The following OSBPL11 variants were observed in gnomAD, a reference collection of about 807,000 sequenced individuals.
The protein encoded by OSBPL11 is oxysterol-binding protein-related protein 11.
In OSBPL11, 33 loss-of-function variants were observed where a neutral mutation model predicts 84.4. That is an observed-to-expected ratio of 0.39 (90% CI 0.30 to 0.52). The LOEUF (loss-of-function observed/expected upper bound fraction) is 0.52. Ranked by LOEUF, OSBPL11 falls within the 20% of genes least tolerant of loss-of-function variation. The pLI, the probability that OSBPL11 is intolerant of heterozygous loss-of-function variation, is 0.72. For missense variants in OSBPL11, 736 were observed against 901.1 expected, an observed-to-expected ratio of 0.82 and a Z score of 2.35; for synonymous variants, 276 against 310.2, an observed-to-expected ratio of 0.89 and a Z score of 1.16.
intron 9 of OSBPL11, among the ~76,000 whole-genome samples, chr3:125,549,973 T>C (rs1411041388): frequency 6.6e-6 from 1 of 152,198 alleles, no homozygotes; most frequent in Non-Finnish European, 1.5e-5. Flanking sequence ...AGACTTCAGT[T>C]TTTTTTCACT....
intron 5 of OSBPL11, among the ~76,000 whole-genome samples, chr3:125,571,545 C>T (rs1033551057): frequency 2.6e-5 from 4 of 152,086 alleles, no homozygotes; most frequent in South Asian, 2.1e-4. Flanking sequence ...TTTCATGGGC[C>T]GGGCCTAGGG....
At chr3:125,567,257 T>C (rs1403390860) in intron 6 of OSBPL11, 137 bp downstream of exon 6, 8 of 714,144 alleles carry the variant, frequency 1.1e-5, no homozygotes, top group Non-Finnish European at 1.6e-5. Context: ...ATCAGCATGA[T>C]AATTAAAAAC....
At chr3:125,583,117 G>A in intron 1 of OSBPL11, 139 bp from the exon 2 acceptor site, 1 of 563,962 alleles carries the variant, frequency 1.8e-6, no homozygotes, top group South Asian at 2.7e-5. Context: ...AAAATGTATA[G>A]GTCAACAGAG....
chr3:125,562,857 C>T (rs1470055885), intron 7 of OSBPL11, among the ~76,000 whole-genome samples: 3 of 151,882 alleles, frequency 2.0e-5, no homozygotes, highest in African/African-American at 4.8e-5. Flanking sequence ...ACCCCGGAGG[C>T]GGAGGTTGCG....
At chr3:125,592,582 A>G (rs886650414) in intron 1 of OSBPL11, among the ~76,000 whole-genome samples, 1 of 152,220 alleles carries the variant, frequency 6.6e-6, no homozygotes, top group Admixed American at 6.5e-5. Context: ...TAGTCAAGAA[A>G]TCAGTAAAAG....
chr3:125,567,410 C>A lies in OSBPL11; in HGVS notation c.852G>T (p.Lys284Asn), dbSNP rs756501211. Residue 284 changes from lysine (K) to asparagine (N), a missense_variant, in exon 6 of 13, where the codon AAG (lysine) becomes AAT (asparagine). This residue lies in a region of OSBPL11 where 579 missense variants were observed against 717.6 expected (regional missense o/e 0.81). Coordinates refer to ENST00000296220, the MANE Select transcript of OSBPL11 (RefSeq NM_022776.5). ...ACAACTTACCTGAAGGCAATGAGCC[C>A]TTCTGATGTGATGCATGCTGTAACT... ...ILQLQHASHQ[K>N]GSLPSGTTIE... 6.2e-7 allele frequency: 1 copy of A among 1,613,842 alleles called. No homozygotes were observed. Among genetic ancestry groups the A allele is most frequent in the South Asian group, 1.1e-5 (1 of 91,068 alleles).
At chr3:125,563,647 T>C (rs1373275784) in intron 7 of OSBPL11, 51 bp downstream of exon 7, 14 of 1,594,204 alleles carry the variant, frequency 8.8e-6, no homozygotes, top group Non-Finnish European at 1.1e-5. Context: ...TGACCCTTTT[T>C]CAGTGATACC....
chr3:125,588,945 G>C (rs1365442799), intron 1 of OSBPL11, among the ~76,000 whole-genome samples: 1 of 152,138 alleles, frequency 6.6e-6, no homozygotes, highest in African/African-American at 2.4e-5. Context: ...ATGACAAAAA[G>C]TATAAAGTCA....
chr3:125,547,067 TTATAGC>T (rs1352317159), intron 10 of OSBPL11, among the ~76,000 whole-genome samples: 6 of 152,168 alleles, frequency 3.9e-5, no homozygotes, highest in African/African-American at 1.4e-4. Context: ...CCACCCTAAC[TTATAGC>T]TATAGCTGCC....
intron 10 of OSBPL11, among the ~76,000 whole-genome samples, chr3:125,539,713 T>G (rs985859279): frequency 6.6e-6 from 1 of 152,104 alleles, no homozygotes; most frequent in African/African-American, 2.4e-5. Context: ...CCTCCCAAAG[T>G]GCTGGGATTA....
intron 2 of OSBPL11, among the ~76,000 whole-genome samples, chr3:125,580,800 T>G (rs1936412275): frequency 6.6e-6 from 1 of 152,080 alleles, no homozygotes; most frequent in Non-Finnish European, 1.5e-5. Context: ...AGATATGCAT[T>G]GTGATTTAAG....
intron 11 of OSBPL11, among the ~76,000 whole-genome samples, chr3:125,536,609 GTTTTTC>G (rs1042678767): frequency 1.2e-4 from 19 of 152,178 alleles, no homozygotes; most frequent in African/African-American, 4.3e-4. Context: ...ACCATCAATT[GTTTTTC>G]TTTAAGTATC....
At chr3:125,537,979 G>T (rs1018935639) in intron 11 of OSBPL11, among the ~76,000 whole-genome samples, 3 of 152,134 alleles carry the variant, frequency 2.0e-5, no homozygotes, top group African/African-American at 7.2e-5. Flanking sequence ...TTTCCCCAAA[G>T]AAGTATTATT....
chr3:125,557,791 C>CTA (rs1936013176), intron 8 of OSBPL11, among the ~76,000 whole-genome samples: 2 of 81,976 alleles, frequency 2.4e-5, no homozygotes, highest in Non-Finnish European at 4.3e-5. Context: ...ATACAACTTT[C>CTA]TTTTTTTTTT....
Position 125,552,499 on chromosome 3 carries a change from T to C in OSBPL11, c.1336A>G (p.Lys446Glu). 1 of 1,614,202 alleles carries C rather than the reference T, an allele frequency of 6.2e-7. No homozygotes were observed. The highest frequency in any genetic ancestry group is 8.5e-7 in the Non-Finnish European group (1 of 1,180,036). ...FHEGRKGAIA[K>E]KPYNPIIGET... is the part of the protein sequence containing the mutation. ...CCAATGATAGGATTGTATGGTTTTT[T>C]AGCAATGGCTCCCTTACGGCCTTCA... Residue 446 changes from lysine (K) to glutamate (E), a missense_variant, in exon 9 of 13, where the codon AAA becomes GAA. Physicochemically the swap from Lys to Glu is moderately conservative, Grantham distance 56. Coordinates refer to ENST00000296220, the MANE Select transcript of OSBPL11 (RefSeq NM_022776.5).
intron 5 of OSBPL11, among the ~76,000 whole-genome samples, chr3:125,572,459 G>C (rs1936256608): frequency 6.6e-6 from 1 of 152,140 alleles, no homozygotes; most frequent in African/African-American, 2.4e-5. Flanking sequence ...GATATGGTTT[G>C]GCTGTGTCCC....
intron 5 of OSBPL11, 103 bp downstream of exon 5, chr3:125,576,086 T>G: frequency 1.0e-6 from 1 of 988,380 alleles, no homozygotes; most frequent in Non-Finnish European, 1.5e-6. Flanking sequence ...TAGGAAACAA[T>G]GAAGGCCCTT....
chr3:125,576,093 C>T, intron 5 of OSBPL11, 96 bp downstream of exon 5: 2 of 1,076,584 alleles, frequency 1.9e-6, no homozygotes. Context: ...CAATGAAGGC[C>T]CTTGAAGACA....
At chr3:125,539,346 A>AT (rs1935692760) in intron 10 of OSBPL11, among the ~76,000 whole-genome samples, 1 of 115,040 alleles carries the variant, frequency 8.7e-6, no homozygotes, top group South Asian at 2.8e-4. Context: ...TATATATATA[A>AT]TAGCTATATA....
Sources: gnomAD v4.1 joint callset for allele counts (sites outside exome capture counted in the v4.1 genomes callset) on GRCh38, gnomAD v4.1.1 for gene constraint, gnomAD v4.1.1 regional missense constraint, MANE v1.5 for transcripts, NCBI Gene and HGNC (gene_info 2026-07-23, HGNC 2026-07-21) for gene names.